Variants in ZMIZ1 observed in about 807,000 individuals in gnomAD.
ZMIZ1 encodes the protein zinc finger MIZ domain-containing protein 1.
In ZMIZ1, 17 loss-of-function variants were observed where a neutral mutation model predicts 113.9. The observed-to-expected ratio is 0.15, with a 90% CI of 0.10 to 0.22. The LOEUF (loss-of-function observed/expected upper bound fraction) is 0.22, where lower values mean the gene tolerates loss of function less well. Ranked by LOEUF, ZMIZ1 falls within the 10% of genes least tolerant of loss-of-function variation. ZMIZ1 has a pLI of 1.00. For missense variants in ZMIZ1, 1,059 were observed against 1,477.8 expected, an observed-to-expected ratio of 0.72 and a Z score of 4.65; for synonymous variants, 607 against 603.1, an observed-to-expected ratio of 1.01 and a Z score of -0.09.
At chr10:79,212,138 G>A (rs990367396) in intron 6 of ZMIZ1, among the ~76,000 whole-genome samples, 4 of 151,810 alleles carry the variant, frequency 2.6e-5, no homozygotes, top group Non-Finnish European at 4.4e-5. Flanking sequence ...CAAGTCACCC[G>A]TCTTCTTCTT....
rs1405141391 is a variant in ZMIZ1 at position 79,302,115 on chromosome 10, C to A, written c.2028C>A (p.Leu676=). The change falls in exon 18 of 25, where the codon CTC becomes CTA. Residue 676 remains leucine, a synonymous_variant. Coordinates refer to ENST00000334512, the MANE Select transcript of ZMIZ1 (RefSeq NM_020338.4). ...ITVTACCCSH[L]FVLQLVHRPS... ...CTCCTCTCTCCCCGCAGTCCCACCT[C>A]TTCGTGCTGCAGCTGGTACACCGGC... 6.8e-6 allele frequency: 11 copies of A among 1,613,846 alleles called. No homozygotes were observed. In the Middle Eastern group the frequency reaches 8.3e-4, roughly 121 times the overall value.
At chr10:79,079,371 T>G (rs1842583543) in intron 1 of ZMIZ1, among the ~76,000 whole-genome samples, 1 of 152,242 alleles carries the variant, frequency 6.6e-6, no homozygotes, top group African/African-American at 2.4e-5. Context: ...TTCAGATCCT[T>G]AATTCAATGT....
chr10:79,098,347 G>A (rs557119192), intron 1 of ZMIZ1, among the ~76,000 whole-genome samples: 1 of 152,272 alleles, frequency 6.6e-6, no homozygotes, highest in African/African-American at 2.4e-5. Context: ...GTTAGCACAA[G>A]CACTCTGGAG....
chr10:79,221,442 C>T (rs1158860027), intron 7 of ZMIZ1, among the ~76,000 whole-genome samples: 3 of 152,232 alleles, frequency 2.0e-5, no homozygotes, highest in Non-Finnish European at 4.4e-5. Context: ...GCGGGATCCT[C>T]CTCCTCACCA....
intron 4 of ZMIZ1, among the ~76,000 whole-genome samples, chr10:79,196,544 C>T (rs1030442624): frequency 1.3e-5 from 2 of 152,240 alleles, no homozygotes; most frequent in Non-Finnish European, 2.9e-5. Context: ...TCAGTCCAGC[C>T]GCCGGCCTCC....
At chr10:79,251,833 G>A (rs998313041) in intron 7 of ZMIZ1, among the ~76,000 whole-genome samples, 8 of 152,166 alleles carry the variant, frequency 5.3e-5, no homozygotes, top group Non-Finnish European at 1.2e-4. Context: ...CCTGGAAAAC[G>A]GACAGAAGCC....
chr10:79,301,729 G>A (rs981774198), intron 17 of ZMIZ1, among the ~76,000 whole-genome samples: 4 of 152,226 alleles, frequency 2.6e-5, no homozygotes, highest in East Asian at 1.9e-4. Context: ...ATGGGTGGAC[G>A]TTTGGGATGT....
intron 6 of ZMIZ1, among the ~76,000 whole-genome samples, chr10:79,213,065 G>A (rs766485344): frequency 3.4e-4 from 51 of 151,722 alleles, no homozygotes; most frequent in Non-Finnish European, 7.1e-4. Context: ...CCCCGCCACC[G>A]TGGGTCAAGC....
intron 3 of ZMIZ1, among the ~76,000 whole-genome samples, chr10:79,144,622 T>G (rs934488001): frequency 6.6e-6 from 1 of 152,206 alleles, no homozygotes; most frequent in Non-Finnish European, 1.5e-5. Flanking sequence ...CCGGCTCCGG[T>G]GGAAGGCACC....
At chr10:79,246,020 G>A (rs1850173697) in intron 7 of ZMIZ1, among the ~76,000 whole-genome samples, 1 of 152,250 alleles carries the variant, frequency 6.6e-6, no homozygotes, top group African/African-American at 2.4e-5. Flanking sequence ...GTGTAACAGT[G>A]CAGGCGAGTC....
intron 4 of ZMIZ1, among the ~76,000 whole-genome samples, chr10:79,165,057 C>G (rs927848635): frequency 1.3e-5 from 2 of 151,588 alleles, no homozygotes; most frequent in Non-Finnish European, 2.9e-5. Context: ...GGGTGTCTAA[C>G]AGGTTGTGGG....
intron 1 of ZMIZ1, among the ~76,000 whole-genome samples, chr10:79,094,420 G>A (rs1589263692): frequency 2.0e-5 from 3 of 152,342 alleles, no homozygotes; most frequent in South Asian, 2.1e-4. Flanking sequence ...AGAGCTCAGC[G>A]GCCTGGGTTC....
chr10:79,277,405 G>A (rs1852368578), intron 8 of ZMIZ1, 80 bp downstream of exon 8: 2 of 1,469,608 alleles, frequency 1.4e-6, no homozygotes, highest in South Asian at 2.8e-5. Context: ...TGTCCCTGGG[G>A]TGGGGGCCTC....
chr10:79,278,912 C>T (rs1334788361), intron 8 of ZMIZ1, among the ~76,000 whole-genome samples: 1 of 152,246 alleles, frequency 6.6e-6, no homozygotes, highest in East Asian at 1.9e-4. Context: ...TCGACAAAAC[C>T]ACCATCATCA....
At chr10:79,114,822 G>A (rs1042210879) in intron 1 of ZMIZ1, among the ~76,000 whole-genome samples, 1 of 151,874 alleles carries the variant, frequency 6.6e-6, no homozygotes, top group Non-Finnish European at 1.5e-5. Context: ...TTTTAACGAC[G>A]CAGTAAGGCT....
chr10:79,255,586 C>T (rs969047800), intron 7 of ZMIZ1, among the ~76,000 whole-genome samples: 2 of 152,128 alleles, frequency 1.3e-5, no homozygotes, highest in African/African-American at 4.8e-5. Context: ...TCTCTGTGCT[C>T]TCCAAGTGTA....
chr10:79,094,435 C>A lies in ZMIZ1; in HGVS notation c.-336-24480C>A, dbSNP rs143142103. ...AGAGCTCAGCGGCCTGGGTTCAAACCTTCTCGCACACTGCCACTGTCGGTT... is the reference window on the plus strand; with the variant it reads ...AGAGCTCAGCGGCCTGGGTTCAAACATTCTCGCACACTGCCACTGTCGGTT... On this transcript the variant is annotated intron_variant, in intron 1 of 24. Coordinates refer to ENST00000334512, the MANE Select transcript of ZMIZ1 (RefSeq NM_020338.4). Among the ~76,000 whole-genome samples, 1,465 of 152,326 alleles carry A rather than the reference C, an allele frequency of 9.6e-3. 12 individuals carry two copies. The highest frequency in any genetic ancestry group is 0.016 in the Non-Finnish European group (1,072 of 68,036).
chr10:79,075,649 G>T (rs540327782), intron 1 of ZMIZ1, among the ~76,000 whole-genome samples: 33 of 152,050 alleles, frequency 2.2e-4, no homozygotes, highest in African/African-American at 7.3e-4. Context: ...TGGCCCTGCT[G>T]GCCAGGGCTT....
At chr10:79,291,759 C>T (rs1055492998) in intron 10 of ZMIZ1, among the ~76,000 whole-genome samples, 1 of 152,218 alleles carries the variant, frequency 6.6e-6, no homozygotes, top group Non-Finnish European at 1.5e-5. Context: ...CCTCACCAGC[C>T]CTGGCTGGGT....
Sources: gnomAD v4.1 joint callset for allele counts (sites outside exome capture counted in the v4.1 genomes callset) on GRCh38, gnomAD v4.1.1 for gene constraint, MANE v1.5 for transcripts, NCBI Gene and HGNC (gene_info 2026-07-23, HGNC 2026-07-21) for gene names.